PAPLN: variants seen among roughly 807,000 people sequenced by gnomAD.
PAPLN encodes papilin, proteoglycan like sulfated glycoprotein, also known as papilin.
Under a neutral mutation model 159.0 loss-of-function variants are expected in PAPLN, and 146 were observed. The ratio of observed to expected loss-of-function variants is 0.92; its 90% CI spans 0.80 to 1.05. The LOEUF (loss-of-function observed/expected upper bound fraction) is 1.05. PAPLN is among the 50% of genes least tolerant of loss of function. The probability of loss-of-function intolerance (pLI) is 0.00; values close to 1 mark genes in which losing one functional copy is unlikely to be tolerated. For missense variants in PAPLN, 1,720 were observed against 1,743.9 expected (o/e 0.99, Z 0.24); for synonymous variants, 734 against 702.9 (o/e 1.04, Z -0.70).
At chr14:73,262,975 C>T (rs1426405563) in intron 19 of PAPLN, 148 bp downstream of exon 19, 2 of 682,352 alleles carry the variant, frequency 2.9e-6, no homozygotes, top group Admixed American at 3.8e-5. Flanking sequence ...GGCCTTGTTG[C>T]CATCATTCTA....
intron 11 of PAPLN, among the ~76,000 whole-genome samples, 159 bp downstream of exon 11, chr14:73,252,934 G>C (rs1012921406): frequency 6.6e-6 from 1 of 152,162 alleles, no homozygotes; most frequent in African/African-American, 2.4e-5. Context: ...GCTCTTCCTG[G>C]GGGAGGCAGA....
chr14:73,257,341 C>T (rs1013666169), intron 14 of PAPLN, among the ~76,000 whole-genome samples: 4 of 151,866 alleles, frequency 2.6e-5, no homozygotes, highest in Admixed American at 6.6e-5. Context: ...ATTTGAAGCA[C>T]GCAAATAGAA....
rs759812067 is a variant in PAPLN at position 73,266,810 on chromosome 14, G to A, written c.3479G>A (p.Ser1160Asn). The change falls in exon 25 of 27, where the codon AGT (serine) becomes AAT (asparagine). Residue 1160 changes from serine (S) to asparagine (N), a missense_variant. Ser to Asn is a conservative substitution (Grantham distance 46). Coordinates refer to ENST00000644200, the MANE Select transcript of PAPLN (RefSeq NM_001365906.3). ...ARLLCVVAGE[S>N]VNIRWSRNGL... ...CTATTGTGTGTGGTAGCAGGAGAAA[G>A]TGTGAACATCAGGTGGTCCAGGTAA... 5 of 1,613,096 alleles carry A rather than the reference G, an allele frequency of 3.1e-6. No homozygotes were observed. The highest frequency in any genetic ancestry group is 4.2e-6 in the Non-Finnish European group (5 of 1,179,576).
At position 73,263,667 on chromosome 14, in the gene PAPLN, C is replaced by G. The variant is rs771041014; in HGVS notation, c.2746C>G (p.Pro916Ala). The change falls in exon 20 of 27, where the codon CCC becomes GCC. Residue 916 changes from proline (P) to alanine (A), a missense_variant. Coordinates refer to ENST00000644200, the MANE Select transcript of PAPLN (RefSeq NM_001365906.3). ...CAGGATTAGCTTGGCAGGTGTGGAG[C>G]CCTCGTTGGTGCAGGCAGCCCTGGG... ...SYRISLAGVEPSLVQAALGQL... is the reference protein window; with the variant it reads ...SYRISLAGVEASLVQAALGQL... The G allele has an allele frequency of 7.4e-6, 12 of 1,613,620 alleles. No homozygotes were observed. The highest frequency in any genetic ancestry group is 1.7e-5 in the Admixed American group (1 of 60,008).
Position 73,264,590 on chromosome 14 carries a change from G to A in PAPLN, c.2989G>A (p.Gly997Ser), listed in dbSNP as rs752086867. 5.6e-6 allele frequency: 9 copies of A among 1,597,366 alleles called. No individual in the cohort carries two copies. The highest frequency in any genetic ancestry group is 7.7e-6 in the Non-Finnish European group (9 of 1,175,334). ...SQKIQLRIIG[G>S]DMAVLSEAEL... ...TGTTTCTCCTGGCCTCATGACAGGG[G>A]GTGACATGGCCGTGCTGTCTGAGGC... The change falls in exon 22 of 27, where the codon GGT becomes AGT. Residue 997 changes from glycine to serine, a missense_variant and splice_region_variant. Gly to Ser is a moderately conservative substitution (Grantham distance 56, BLOSUM62 0). Transcript: ENST00000644200.
rs1165122020 is a variant in PAPLN at position 73,250,956 on chromosome 14, G to A, written c.515G>A (p.Cys172Tyr). The change falls in exon 7 of 27, where the codon TGT becomes TAT. Residue 172 changes from cysteine to tyrosine, a missense_variant. Physicochemically the swap from Cys to Tyr is radical, Grantham distance 194 (BLOSUM62 -2). Transcript: ENST00000644200. ...ELDSSKQEDK[C>Y]LRCGGDGTTC... The stretch of plus-strand genomic sequence containing the variant: ...GACTCGTCCAAGCAGGAGGACAAGT[G>A]TCTGCGGTGTGGGGGTGACGGCACG... The A allele has an allele frequency of 1.2e-6, 2 of 1,613,708 alleles. No individual in the cohort carries two copies. Among genetic ancestry groups the A allele is most frequent in the Admixed American group, 3.3e-5 (2 of 59,990 alleles).
At chr14:73,253,613 C>T in intron 11 of PAPLN, 141 bp from the exon 12 acceptor site, 1 of 796,190 alleles carries the variant, frequency 1.3e-6, no homozygotes, top group Non-Finnish European at 1.9e-6. Context: ...TGGGTCGTAG[C>T]CTTTGTTCAG....
At position 73,247,796 on chromosome 14, in the gene PAPLN, C is replaced by CTGTGTGTGTGTGTG. The variant is rs769079646; in HGVS notation, c.334+1621_334+1622insTGTGTGTGTGTGTG. Among the ~76,000 whole-genome samples, 2 of 60,586 alleles carry CTGTGTGTGTGTGTG rather than the reference C, an allele frequency of 3.3e-5. 1 individual carries two copies. The highest frequency in any genetic ancestry group is 5.9e-5 in the Non-Finnish European group (2 of 34,154). 39.7% of individuals were successfully genotyped at this position (60,586 alleles called of 152,430 possible). On this transcript the variant is annotated intron_variant, in intron 5 of 26. Coordinates refer to ENST00000644200, the MANE Select transcript of PAPLN (RefSeq NM_001365906.3). ...CGTGGCCCAGTGGGAGTCTCTTATCCCGTGTGTGTGTGTGTGTGTGTGTGT... is the reference window on the plus strand; with the variant it reads ...CGTGGCCCAGTGGGAGTCTCTTATCCTGTGTGTGTGTGTGCGTGTGTGTGTGTGTGTGTGTGTGT...
At position 73,250,155 on chromosome 14, in the gene PAPLN, G is replaced by A. The variant is rs767841358; in HGVS notation, c.465+41G>A. On this transcript the variant is annotated intron_variant, in intron 6 of 26. Coordinates refer to ENST00000644200, the MANE Select transcript of PAPLN (RefSeq NM_001365906.3). ...GCCCCTCCCTGCCTCCGGGCTGCCTGGGGGCTCAGTGCGGGTGTTTCCCTG... is the reference window on the plus strand; with the variant it reads ...GCCCCTCCCTGCCTCCGGGCTGCCTAGGGGCTCAGTGCGGGTGTTTCCCTG... The A allele has an allele frequency of 3.2e-6, 5 of 1,557,570 alleles. No individual in the cohort carries two copies. The Admixed American group carries it at 9.4e-5, about 29-fold the overall frequency.
At chr14:73,251,056 G>A (rs45515095) in intron 7 of PAPLN, 26 bp downstream of exon 7, 2 of 1,598,494 alleles carry the variant, frequency 1.3e-6, no homozygotes, top group African/African-American at 1.3e-5. Context: ...ACAAGGGGCA[G>A]TTGCCTGCCC....
chr14:73,251,127 G>A, intron 7 of PAPLN, 97 bp downstream of exon 7: 3 of 1,508,472 alleles, frequency 2.0e-6, no homozygotes, highest in Non-Finnish European at 1.8e-6. Context: ...AGGCCAAGTG[G>A]CCCTCATGGC....
intron 22 of PAPLN, 49 bp downstream of exon 22, chr14:73,264,775 G>T: frequency 6.2e-7 from 1 of 1,606,792 alleles, no homozygotes; most frequent in South Asian, 1.1e-5. Flanking sequence ...CAGGGCCAGG[G>T]CCGGGGGTCT....
At position 73,252,041 on chromosome 14, in the gene PAPLN, C is replaced by T. The variant is rs759342309; in HGVS notation, c.867C>T (p.Pro289=). 107 of 1,611,578 alleles carry T rather than the reference C, an allele frequency of 6.6e-5. No homozygotes were observed. The highest frequency in any genetic ancestry group is 8.4e-5 in the Non-Finnish European group (99 of 1,179,162). ...VIELISQEPN[P]GVHYEYHLPL... ...AGCTCATCAGCCAGGAGCCCAACCC[C>T]GGTGTGCACTATGAGTACCACCTGC... is the stretch of plus-strand genomic sequence containing the variant. The change falls in exon 10 of 27, where the codon CCC becomes CCT. Residue 289 remains proline, a synonymous_variant. Transcript: ENST00000644200.
chr14:73,263,017 A>G, intron 19 of PAPLN, 190 bp downstream of exon 19: 1 of 486,294 alleles, frequency 2.1e-6, no homozygotes, highest in Non-Finnish European at 3.4e-6. Context: ...CAGAGACTTG[A>G]GGCTACTCTG....
Position 73,244,377 on chromosome 14 carries a change from C to T in PAPLN, c.55-267C>T, listed in dbSNP as rs76919511. 5.3e-5 allele frequency: 21 copies of T among 392,652 alleles called. 1 individual carries two copies. The East Asian group carries it at 6.4e-4, about 12-fold the overall frequency. 24.3% of individuals were successfully genotyped at this position (392,652 alleles called of 1,614,324 possible). On this transcript the variant is annotated intron_variant, in intron 2 of 26. Coordinates refer to ENST00000644200, the MANE Select transcript of PAPLN (RefSeq NM_001365906.3). ...TAGGGTCCCTCCCCTCCAGTGGCCCCTGAAACTCCAAACTCTTCCCAGCTG... is the reference window on the plus strand; with the variant it reads ...TAGGGTCCCTCCCCTCCAGTGGCCCTTGAAACTCCAAACTCTTCCCAGCTG...
In PAPLN at chr14:73,251,063, G is replaced by C. The variant is rs747118294; in HGVS notation, c.589+33G>C. 67 of 1,592,558 alleles carry C rather than the reference G, an allele frequency of 4.2e-5. 1 individual carries two copies. The South Asian group carries it at 7.0e-4, about 17-fold the overall frequency. Reference sequence around the variant, plus strand: ...TGGTTCCGACAAGGGGCAGTTGCCTGCCCCCTTCCTTGCCTGTCCCTTCCT... The same window carrying C: ...TGGTTCCGACAAGGGGCAGTTGCCTCCCCCCTTCCTTGCCTGTCCCTTCCT... On this transcript the variant is annotated intron_variant, in intron 7 of 26. Transcript: ENST00000644200.
intron 6 of PAPLN, 58 bp downstream of exon 6, chr14:73,250,172 GT>G: frequency 6.6e-7 from 1 of 1,512,080 alleles, no homozygotes; most frequent in African/African-American, 1.4e-5. Flanking sequence ...CAGTGCGGGT[GT>G]TTCCCTGTCC....
In PAPLN at chr14:73,246,187, C is replaced by T. The variant is rs772383916; in HGVS notation, c.334+12C>T. ...GCCCTACTACAGCGGTGAGCGCGGCCGGGACTCGCTCTCTCGGGGCCTCTT... is the reference window on the plus strand; with the variant it reads ...GCCCTACTACAGCGGTGAGCGCGGCTGGGACTCGCTCTCTCGGGGCCTCTT... On this transcript the variant is annotated intron_variant, in intron 5 of 26. Coordinates refer to ENST00000644200, the MANE Select transcript of PAPLN (RefSeq NM_001365906.3). 1.9e-6 allele frequency: 3 copies of T among 1,563,944 alleles called. No individual in the cohort carries two copies. Among genetic ancestry groups the T allele is most frequent in the South Asian group, 2.3e-5 (2 of 85,190 alleles).
chr14:73,261,048 G>T lies in PAPLN; in HGVS notation c.2107-108G>T, dbSNP rs113217434. 3,772 of 1,573,048 alleles carry T rather than the reference G, an allele frequency of 2.4e-3. 89 individuals carry two copies. In the African/African-American group the frequency reaches 0.046, roughly 19 times the overall value. On this transcript the variant is annotated intron_variant, in intron 17 of 26. Coordinates refer to ENST00000644200, the MANE Select transcript of PAPLN (RefSeq NM_001365906.3). ...TTCTCCTGGCCTCTGGTCTCCCCTG[G>T]GCTGGGGTTCTGGCCCCTCCTTCCT...
Sources: gnomAD v4.1 joint callset for allele counts (sites outside exome capture counted in the v4.1 genomes callset) on GRCh38, gnomAD v4.1.1 for gene constraint, MANE v1.5 for transcripts, NCBI Gene and HGNC (gene_info 2026-07-23, HGNC 2026-07-21) for gene names.